Variants in DNAH12 observed in about 807,000 individuals in gnomAD.
DNAH12 encodes axonemal beta dynein heavy chain 12.
In DNAH12, 285 loss-of-function variants were observed where a neutral mutation model predicts 371.5. The ratio of observed to expected loss-of-function variants is 0.77; its 90% CI spans 0.70 to 0.85. The LOEUF is 0.85. Among genes scored for constraint, DNAH12 ranks in the 40% least tolerant of loss-of-function variants. DNAH12 has a pLI of 0.00. For missense variants in DNAH12, 3,611 were observed against 3,689.4 expected, an observed-to-expected ratio of 0.98 and a Z score of 0.55; for synonymous variants, 1,200 against 1,213.0, an observed-to-expected ratio of 0.99 and a Z score of 0.22.
chr3:57,390,424 AATAT>A (rs1159621191), intron 45 of DNAH12, among the ~76,000 whole-genome samples: 26 of 33,434 alleles, frequency 7.8e-4, no homozygotes, highest in Admixed American at 1.1e-3. Flanking sequence ...AAAAAAAAAA[AATAT>A]ATATATATAT....
At chr3:57,493,005 AAAACAAACAAAC>A (rs36148553) in intron 11 of DNAH12, among the ~76,000 whole-genome samples, 4 of 150,504 alleles carry the variant, frequency 2.7e-5, no homozygotes, top group African/African-American at 4.9e-5. Context: ...ACTCCATCTC[AAAACAAACAAAC>A]AAACAAACAA....
chr3:57,511,329 T>C (rs189595978), intron 4 of DNAH12, among the ~76,000 whole-genome samples: 2 of 152,226 alleles, frequency 1.3e-5, no homozygotes, highest in East Asian at 3.8e-4. Context: ...AAATGCTGGG[T>C]ATATAGTAGC....
intron 29 of DNAH12, among the ~76,000 whole-genome samples, chr3:57,441,432 G>C (rs527394588): frequency 6.6e-6 from 1 of 152,042 alleles, no homozygotes; most frequent in Non-Finnish European, 1.5e-5. Flanking sequence ...ATATAGAATG[G>C]TCTAATATAC....
chr3:57,393,987 C>T (rs2063686652), intron 44 of DNAH12, among the ~76,000 whole-genome samples, 184 bp downstream of exon 44: 1 of 152,040 alleles, frequency 6.6e-6, no homozygotes, highest in Admixed American at 6.6e-5. Context: ...AAAATTATGC[C>T]TCATAACTAT....
Position 57,380,357 on chromosome 3 carries a change from T to C in DNAH12, c.8003A>G (p.Tyr2668Cys), listed in dbSNP as rs1336008996. ...PSGTGGKILD[Y>C]WGPSKKLLGD... The stretch of plus-strand genomic sequence containing the variant: ...CAGAAGTTTTTTGCTAGGTCCCCAG[T>C]AATCTAATATCTACAAATAAAATTT... Residue 2668 changes from tyrosine (Y) to cysteine (C), a missense_variant, in exon 51 of 74, where the codon TAC becomes TGC. Coordinates refer to ENST00000495027, the MANE Select transcript of DNAH12 (RefSeq NM_001366028.2). 1 of 152,230 alleles carries C rather than the reference T, an allele frequency of 6.6e-6. No individual in the cohort carries two copies. The highest frequency in any genetic ancestry group is 2.4e-5 in the African/African-American group (1 of 41,466). The allele number at this position is 152,230 out of a possible 1,614,324, so 9.4% of individuals were successfully genotyped here.
At chr3:57,533,301 C>G (rs1029513917) in intron 2 of DNAH12, among the ~76,000 whole-genome samples, 3 of 152,138 alleles carry the variant, frequency 2.0e-5, no homozygotes, top group African/African-American at 7.2e-5. Flanking sequence ...AATCAGGGAC[C>G]CCAAGAGCCC....
At chr3:57,313,195 C>G (rs970656932) in intron 66 of DNAH12, among the ~76,000 whole-genome samples, 1 of 152,176 alleles carries the variant, frequency 6.6e-6, no homozygotes, top group African/African-American at 2.4e-5. Flanking sequence ...TACTCAGATG[C>G]GTCCACCTTA....
chr3:57,441,955 G>A (rs2065319353), intron 29 of DNAH12, among the ~76,000 whole-genome samples: 1 of 152,058 alleles, frequency 6.6e-6, no homozygotes, highest in Non-Finnish European at 1.5e-5. Context: ...AGCCAGAGGA[G>A]TATAAATAAG....
chr3:57,523,518 T>C, intron 4 of DNAH12, 65 bp downstream of exon 4: 1 of 1,396,334 alleles, frequency 7.2e-7, no homozygotes, highest in Non-Finnish European at 9.8e-7. Flanking sequence ...TGGTCTTAGA[T>C]GAAACTACTT....
Position 57,322,015 on chromosome 3 carries a change from A to G in DNAH12, c.10524+328T>C, listed in dbSNP as rs1191039154. The stretch of plus-strand genomic sequence containing the variant: ...CTACCTAGGAGAGGGCCTGGCACAC[A>G]TACTTGTTGAAAAAGAATCAACAAT... On this transcript the variant is annotated intron_variant, in intron 65 of 73. Transcript: ENST00000495027. Among the ~76,000 whole-genome samples, 42 of 152,210 alleles carry G rather than the reference A, an allele frequency of 2.8e-4. 2 individuals are homozygous for G. The highest frequency in any genetic ancestry group is 2.7e-3 in the Admixed American group (41 of 15,286).
chr3:57,327,752 A>C (rs2061985817), intron 62 of DNAH12, among the ~76,000 whole-genome samples: 1 of 152,194 alleles, frequency 6.6e-6, no homozygotes, highest in Non-Finnish European at 1.5e-5. Flanking sequence ...AACCCTTCAA[A>C]AAATTAATGA....
At position 57,529,653 on chromosome 3, in the gene DNAH12, T is replaced by C. The variant is rs146930824; in HGVS notation, c.171-5769A>G. Among the ~76,000 whole-genome samples the C allele has an allele frequency of 4.3e-3, 660 of 152,288 alleles. 7 individuals carry two copies. Among genetic ancestry groups the C allele is most frequent in the African/African-American group, 0.015 (639 of 41,576 alleles). On this transcript the variant is annotated intron_variant, in intron 2 of 73. Coordinates refer to ENST00000495027, the MANE Select transcript of DNAH12 (RefSeq NM_001366028.2). ...TTTTCCTAGTCTGGTTAAAGGTTTG[T>C]CTATTTTGTTTAACTTTTCAAAAAA...
chr3:57,508,277 A>C, intron 7 of DNAH12, 105 bp downstream of exon 7: 31 of 1,110,636 alleles, frequency 2.8e-5, no homozygotes, highest in Non-Finnish European at 3.6e-5. Context: ...TCTAAAATCT[A>C]GAGAAAAGTG....
chr3:57,472,747 A>G, intron 13 of DNAH12, 76 bp from the exon 14 acceptor site: 1 of 1,404,446 alleles, frequency 7.1e-7, no homozygotes. Flanking sequence ...AACCAACAAC[A>G]ATCTCTAATA....
intron 4 of DNAH12, among the ~76,000 whole-genome samples, chr3:57,517,303 C>CTT (rs1378686584): frequency 6.6e-6 from 1 of 151,886 alleles, no homozygotes; most frequent in Admixed American, 6.6e-5. Flanking sequence ...AAAGTATAAG[C>CTT]TTCATAAGGG....
In DNAH12 at chr3:57,296,902, T is replaced by G; in HGVS notation, c.11477A>C (p.Gln3826Pro). Reference sequence around the variant, plus strand: ...GGTGGTATATTTTCTGGCATAATTCTGCATAGCTCCAGTTAAAAAGGCCTG... The same window carrying G: ...GGTGGTATATTTTCTGGCATAATTCGGCATAGCTCCAGTTAAAAAGGCCTG... Reference protein sequence around the residue: ...FTQAFLTGAMQNYARKYTTPI... With the variant: ...FTQAFLTGAMPNYARKYTTPI... The change falls in exon 71 of 74, where the codon CAG becomes CCG. Residue 3826 changes from glutamine (Q) to proline (P), a missense_variant. Transcript: ENST00000495027. The G allele has an allele frequency of 1.3e-6, 2 of 1,551,724 alleles. No individual in the cohort carries two copies. Among genetic ancestry groups the G allele is most frequent in the Non-Finnish European group, 1.7e-6 (2 of 1,147,004 alleles).
intron 60 of DNAH12, among the ~76,000 whole-genome samples, chr3:57,338,376 G>A (rs1488716405): frequency 9.9e-5 from 15 of 152,110 alleles, no homozygotes; most frequent in African/African-American, 2.9e-4. Flanking sequence ...TCTGGGATGT[G>A]AGGAGCGCCT....
At chr3:57,463,582 TA>T (rs2066116933) in intron 17 of DNAH12, among the ~76,000 whole-genome samples, 1 of 152,146 alleles carries the variant, frequency 6.6e-6, no homozygotes, top group African/African-American at 2.4e-5. Context: ...TGGAGGACCA[TA>T]AACTAGCACA....
At chr3:57,461,465 A>G (rs1201146038) in intron 19 of DNAH12, 24 bp downstream of exon 19, 4 of 1,548,608 alleles carry the variant, frequency 2.6e-6, no homozygotes, top group Non-Finnish European at 3.5e-6. Context: ...AATGACCAAG[A>G]GCTGATTATC....
Sources: gnomAD v4.1 joint callset for allele counts (sites outside exome capture counted in the v4.1 genomes callset) on GRCh38, gnomAD v4.1.1 for gene constraint, MANE v1.5 for transcripts, NCBI Gene and HGNC (gene_info 2026-07-23, HGNC 2026-07-21) for gene names.